KHDRBS2: variants seen among roughly 807,000 people sequenced by gnomAD.
KHDRBS2 encodes the protein KH RNA binding domain containing, signal transduction associated 2, also known as KH domain-containing, RNA-binding, signal transduction-associated protein 2.
Under a neutral mutation model 44.3 loss-of-function variants are expected in KHDRBS2, and 26 were observed. The observed-to-expected ratio is 0.59, with a 90% confidence interval of 0.43 to 0.81. The LOEUF is 0.81. Ranked by LOEUF, KHDRBS2 falls within the 40% of genes least tolerant of loss-of-function variation. The probability of loss-of-function intolerance (pLI) is 0.00; values close to 1 mark genes in which losing one functional copy is unlikely to be tolerated. For synonymous variants in KHDRBS2, 194 were observed against 151.1 expected, an observed-to-expected ratio of 1.28 and a Z score of -2.08; for missense variants, 476 against 433.1, an observed-to-expected ratio of 1.10 and a Z score of -0.88.
At chr6:62,270,189 T>C (rs978811852) in intron 1 of KHDRBS2, among the ~76,000 whole-genome samples, 1 of 152,076 alleles carries the variant, frequency 6.6e-6, no homozygotes, top group Admixed American at 6.6e-5. Context: ...CCCTCATTAA[T>C]GGCTTGGTGC....
chr6:62,051,075 C>T (rs563781639), intron 2 of KHDRBS2, among the ~76,000 whole-genome samples: 3 of 152,156 alleles, frequency 2.0e-5, no homozygotes, highest in South Asian at 2.1e-4. Flanking sequence ...TGGTGTTAGA[C>T]TTCATAAGAG....
chr6:61,876,177 G>A (rs1409161277), intron 6 of KHDRBS2, among the ~76,000 whole-genome samples: 1 of 151,938 alleles, frequency 6.6e-6, no homozygotes, highest in Admixed American at 6.6e-5. Flanking sequence ...ATGCCTTACT[G>A]ATTGCTGAAG....
At chr6:62,172,348 T>C (rs1183045286) in intron 2 of KHDRBS2, among the ~76,000 whole-genome samples, 1 of 152,020 alleles carries the variant, frequency 6.6e-6, no homozygotes, top group Admixed American at 6.6e-5. Flanking sequence ...AAGTACATTA[T>C]ATAATAGAAG....
chr6:62,119,089 TC>T (rs1344791868), intron 2 of KHDRBS2, among the ~76,000 whole-genome samples: 1 of 152,174 alleles, frequency 6.6e-6, no homozygotes, highest in Admixed American at 6.5e-5. Context: ...AAGATAGATT[TC>T]TTTAGTTGGT....
the KHDRBS2 span, among the ~76,000 whole-genome samples, chr6:61,620,391 G>T: frequency 2.0e-5 from 3 of 152,060 alleles, no homozygotes; most frequent in Admixed American, 6.6e-5. Context: ...TCTTTCCAAA[G>T]TTCCTTTGCT....
At chr6:61,801,257 A>G (rs1786211224) in intron 6 of KHDRBS2, among the ~76,000 whole-genome samples, 1 of 152,250 alleles carries the variant, frequency 6.6e-6, no homozygotes, top group East Asian at 1.9e-4. Flanking sequence ...GTCATATCCT[A>G]GGAATTATAG....
intron 2 of KHDRBS2, among the ~76,000 whole-genome samples, chr6:62,062,064 A>C (rs1792075884): frequency 1.3e-5 from 2 of 151,454 alleles, no homozygotes; most frequent in South Asian, 2.1e-4. Flanking sequence ...GATCAATTCA[A>C]CAAGAAGAGC....
intron 1 of KHDRBS2, among the ~76,000 whole-genome samples, chr6:62,274,556 T>C (rs9346303): frequency 0.33 from 49,846 of 152,014 alleles, 8,879 homozygotes; most frequent in Middle Eastern, 0.44. Flanking sequence ...AAATATTCTC[T>C]TTCTTATCAG....
the KHDRBS2 span, among the ~76,000 whole-genome samples, chr6:61,580,299 C>T: frequency 6.6e-6 from 1 of 152,140 alleles, no homozygotes; most frequent in African/African-American, 2.4e-5. Flanking sequence ...ATTATAAATG[C>T]ACCAATCATT....
At chr6:62,241,181 C>T (rs765313925) in intron 1 of KHDRBS2, among the ~76,000 whole-genome samples, 4 of 152,104 alleles carry the variant, frequency 2.6e-5, no homozygotes, top group South Asian at 4.1e-4. Context: ...GCAAAAGAGA[C>T]TCTGAATCTT....
chr6:62,212,917 T>C (rs1234064488), intron 1 of KHDRBS2, among the ~76,000 whole-genome samples: 1 of 152,142 alleles, frequency 6.6e-6, no homozygotes, highest in African/African-American at 2.4e-5. Context: ...GCATAACATG[T>C]ACCAGGATCT....
the KHDRBS2 span, among the ~76,000 whole-genome samples, chr6:61,621,137 C>T: frequency 6.6e-6 from 1 of 152,130 alleles, no homozygotes; most frequent in Non-Finnish European, 1.5e-5. Context: ...AGGACACCGG[C>T]CTGAGTAGAA....
At chr6:61,865,626 G>A (rs539379126) in intron 6 of KHDRBS2, among the ~76,000 whole-genome samples, 20 of 152,026 alleles carry the variant, frequency 1.3e-4, no homozygotes, top group East Asian at 5.8e-4. Flanking sequence ...TCCACCCCTC[G>A]TCCCACCCAA....
At chr6:62,270,717 A>C (rs969335447) in intron 1 of KHDRBS2, among the ~76,000 whole-genome samples, 1 of 152,128 alleles carries the variant, frequency 6.6e-6, no homozygotes, top group African/African-American at 2.4e-5. Context: ...TTTTAAAGTA[A>C]GAAAACCAAA....
chr6:61,938,324 C>T (rs79448504), intron 4 of KHDRBS2, among the ~76,000 whole-genome samples: 10,220 of 151,952 alleles, frequency 0.067, 410 homozygotes, highest in Middle Eastern at 0.13. Context: ...GCTAGAAAAA[C>T]GTATAGATTT....
At chr6:62,250,769 G>A (rs1836388870) in intron 1 of KHDRBS2, among the ~76,000 whole-genome samples, 1 of 151,790 alleles carries the variant, frequency 6.6e-6, no homozygotes, top group Non-Finnish European at 1.5e-5. Context: ...AGTTGTAAGG[G>A]AGAAAAAAAT....
intron 6 of KHDRBS2, among the ~76,000 whole-genome samples, chr6:61,878,329 A>C (rs962777718): frequency 6.6e-6 from 1 of 152,072 alleles, no homozygotes; most frequent in African/African-American, 2.4e-5. Context: ...AATTCATTGT[A>C]CTACTTTTCC....
intron 7 of KHDRBS2, among the ~76,000 whole-genome samples, chr6:61,708,373 A>G (rs1038840318): frequency 2.1e-4 from 32 of 151,676 alleles, no homozygotes; most frequent in Admixed American, 1.8e-3. Context: ...TAAATAAAAT[A>G]TATTGTCTTT....
At chr6:61,958,230 C>T (rs16867909) in intron 4 of KHDRBS2, among the ~76,000 whole-genome samples, 8,846 of 152,154 alleles carry the variant, frequency 0.058, 300 homozygotes, top group Middle Eastern at 0.14. Flanking sequence ...ACACAATTTC[C>T]ATTTTCTTAA....
Sources: allele counts gnomAD v4.1 joint callset (sites outside exome capture counted in the v4.1 genomes callset), GRCh38; gene constraint gnomAD v4.1.1; transcripts MANE v1.5; gene names NCBI Gene and HGNC (gene_info 2026-07-23, HGNC 2026-07-21).